The following RFFL variants were observed in gnomAD, a reference collection of about 807,000 sequenced individuals.
The protein encoded by RFFL is E3 ubiquitin-protein ligase rififylin.
A neutral mutation model predicts 40.4 loss-of-function variants in RFFL; 16 were observed. The ratio of observed to expected loss-of-function variants is 0.40; its 90% CI spans 0.27 to 0.60. The LOEUF is 0.60. Ranked by LOEUF, RFFL falls within the 20% of genes least tolerant of loss-of-function variation. RFFL has a pLI of 0.47. For missense variants in RFFL, 367 were observed against 451.7 expected (o/e 0.81, Z 1.70); for synonymous variants, 154 against 167.9 (o/e 0.92, Z 0.64).
At chr17:35,015,536 T>C (rs1354360822) in intron 5 of RFFL, among the ~76,000 whole-genome samples, 1 of 152,176 alleles carries the variant, frequency 6.6e-6, no homozygotes. Flanking sequence ...GGCCTCAGTC[T>C]GTAATCGGGT....
intron 1 of RFFL, among the ~76,000 whole-genome samples, chr17:35,082,255 G>A (rs2091406258): frequency 6.6e-6 from 1 of 152,062 alleles, no homozygotes; most frequent in Non-Finnish European, 1.5e-5. Flanking sequence ...TCTAAAGGAA[G>A]GACAGCTTTA....
upstream of RFFL, among the ~76,000 whole-genome samples, chr17:35,066,503 C>T (rs2091321699): frequency 2.0e-5 from 3 of 152,142 alleles, no homozygotes; most frequent in South Asian, 6.2e-4. Context: ...CTATGTTTAG[C>T]TTTATCCAAA....
chr17:35,027,505 A>G (rs2091049974), intron 1 of RFFL, among the ~76,000 whole-genome samples: 1 of 151,856 alleles, frequency 6.6e-6, no homozygotes, highest in African/African-American at 2.4e-5. Context: ...CGAGTGGATC[A>G]CCGGAGGTCG....
upstream of RFFL, among the ~76,000 whole-genome samples, chr17:35,068,381 T>C (rs953692609): frequency 6.6e-6 from 1 of 152,244 alleles, no homozygotes; most frequent in African/African-American, 2.4e-5. Flanking sequence ...GCTGTCGCCA[T>C]GGCAGAGATC....
At chr17:35,061,837 C>T (rs1008480124) in intron 1 of RFFL, among the ~76,000 whole-genome samples, 31 of 151,840 alleles carry the variant, frequency 2.0e-4, no homozygotes, top group East Asian at 7.8e-4. Flanking sequence ...CGTGCCACCA[C>T]GCCCAGCTAA....
chr17:35,017,570 C>T lies in RFFL; in HGVS notation c.628G>A (p.Val210Ile), dbSNP rs748835377. 7.4e-6 allele frequency: 12 copies of T among 1,611,716 alleles called. No individual in the cohort carries two copies. The highest frequency in any genetic ancestry group is 2.7e-5 in the African/African-American group (2 of 74,876). ...GHVSQDQEEP[V>I]YLESVARVPA... Reference sequence around the variant, plus strand: ...ACTCTGGCCACGCTCTCCAGGTAGACGGGTTCCTCTTGATCCTGAGACACA... The same window carrying T: ...ACTCTGGCCACGCTCTCCAGGTAGATGGGTTCCTCTTGATCCTGAGACACA... The change falls in exon 4 of 7, where the codon GTC becomes ATC. Residue 210 changes from valine to isoleucine, a missense_variant. By Grantham distance (29) the Val-to-Ile change is conservative. Transcript: ENST00000394597.
chr17:35,068,028 T>C (rs554678588), upstream of RFFL, among the ~76,000 whole-genome samples: 1 of 152,014 alleles, frequency 6.6e-6, no homozygotes, highest in East Asian at 1.9e-4. Context: ...GGATTTCACC[T>C]GTCACCCACA....
chr17:35,057,962 TCAAA>T (rs1159231993), intron 1 of RFFL, among the ~76,000 whole-genome samples: 2 of 151,232 alleles, frequency 1.3e-5, no homozygotes, highest in African/African-American at 2.4e-5. Context: ...CTATTATACA[TCAAA>T]CAATCATATA....
Position 35,021,496 on chromosome 17 carries a change from G to T in RFFL, c.466C>A (p.Pro156Thr). Residue 156 changes from proline (P) to threonine (T), a missense_variant, in exon 3 of 7, where the codon CCT (proline) becomes ACT (threonine). Physicochemically the swap from Pro to Thr is conservative, Grantham distance 38 (BLOSUM62 -1). Coordinates refer to ENST00000394597, the MANE Select transcript of RFFL (RefSeq NM_001017368.2). ...TGGGTCAGGAAGGCCTGCTGCTCAG[G>T]AAAGTCTGGGGACAAGGTGGAGGCA... Reference protein sequence around the residue: ...TRASTLSPDFPEQQAFLTQPH... With the variant: ...TRASTLSPDFTEQQAFLTQPH... The T allele has an allele frequency of 6.3e-7, 1 of 1,597,786 alleles. No homozygotes were observed. The highest frequency in any genetic ancestry group is 8.5e-7 in the Non-Finnish European group (1 of 1,172,456).
At chr17:35,087,813 A>G (rs1340479667) in intron 1 of RFFL, among the ~76,000 whole-genome samples, 1 of 152,226 alleles carries the variant, frequency 6.6e-6, no homozygotes, top group Non-Finnish European at 1.5e-5. Flanking sequence ...AAGTTCGGAA[A>G]CCTTTGCCAT....
intron 1 of RFFL, among the ~76,000 whole-genome samples, chr17:35,059,755 C>T (rs1388231507): frequency 6.6e-6 from 1 of 152,164 alleles, no homozygotes; most frequent in Non-Finnish European, 1.5e-5. Flanking sequence ...CCTGGCAAAA[C>T]TATTCTTGTA....
At position 35,021,592 on chromosome 17, in the gene RFFL, G is replaced by A. The variant is rs768546038; in HGVS notation, c.370C>T (p.Arg124Trp). ...AAGAGCACCAGCTCTTCTTTCTCCC[G>A]GCACATTTCGGTAGAGATGTCATGG... Reference protein sequence around the residue: ...SLHDISTEMCREKEELVLLVL... With the variant: ...SLHDISTEMCWEKEELVLLVL... The change falls in exon 3 of 7, where the codon CGG (arginine) becomes TGG (tryptophan). Residue 124 changes from arginine to tryptophan, a missense_variant. Physicochemically the swap from Arg to Trp is moderately radical, Grantham distance 101. Coordinates refer to ENST00000394597, the MANE Select transcript of RFFL (RefSeq NM_001017368.2). The A allele has an allele frequency of 1.4e-5, 22 of 1,614,182 alleles. No homozygotes were observed. The highest frequency in any genetic ancestry group is 3.3e-4 in the Middle Eastern group (2 of 6,062).
At chr17:35,058,608 T>C (rs1030356014) in intron 1 of RFFL, among the ~76,000 whole-genome samples, 1 of 151,954 alleles carries the variant, frequency 6.6e-6, no homozygotes, top group Non-Finnish European at 1.5e-5. Context: ...CCGTATCTAC[T>C]AAAAATACAA....
chr17:35,047,611 C>G (rs2142352871), intron 1 of RFFL, among the ~76,000 whole-genome samples: 1 of 152,262 alleles, frequency 6.6e-6, no homozygotes, highest in South Asian at 2.1e-4. Flanking sequence ...AGTTTTCAGA[C>G]AGGGTCTCCC....
intron 1 of RFFL, chr17:35,042,240 C>T (rs1411716630): frequency 6.6e-6 from 1 of 152,176 alleles, no homozygotes; most frequent in Non-Finnish European, 1.5e-5. Context: ...CATCTCTTAA[C>T]TTGGAAGGCT....
Position 35,008,675 on chromosome 17 carries a change from A to G in RFFL, c.*3293T>C, listed in dbSNP as rs2090914227. ...GAGACAGAGTCTCGCTCTTTCGCCC[A>G]GGCCGGACTGCAGTGGCGCAATCTT... On this transcript the variant is annotated 3_prime_UTR_variant, in exon 7 of 7. Coordinates refer to ENST00000394597, the MANE Select transcript of RFFL (RefSeq NM_001017368.2). 6.6e-6 allele frequency: 1 copy of G among 151,850 alleles called. No homozygotes were observed. Among genetic ancestry groups the G allele is most frequent in the South Asian group, 2.1e-4 (1 of 4,816 alleles). The allele number at this position is 151,850 out of a possible 1,614,324, so 9.4% of individuals were successfully genotyped here. A position where few individuals can be genotyped will look rare whatever the true frequency, so the allele number is the denominator to read the frequency against.
At chr17:35,047,712 T>G (rs1237218622) in intron 1 of RFFL, among the ~76,000 whole-genome samples, 3 of 151,858 alleles carry the variant, frequency 2.0e-5, no homozygotes, top group Admixed American at 6.6e-5. Context: ...CTCAGCCTTC[T>G]GATTAGCTGG....
Position 35,083,535 on chromosome 17 carries a change from C to T in RFFL, c.-9+5570G>A, listed in dbSNP as rs190498292. Among the ~76,000 whole-genome samples the T allele has an allele frequency of 9.9e-3, 1,501 of 151,542 alleles. 22 individuals carry two copies. Among genetic ancestry groups the T allele is most frequent in the Admixed American group, 0.047 (718 of 15,234 alleles). ...GTGGCTCACACCTGTAATCCCAACA[C>T]TTTGGGAGGCCAAGGTAGGCAGATC... is the stretch of plus-strand genomic sequence containing the variant. On this transcript the variant is annotated intron_variant, in intron 1 of 6. Coordinates refer to the RFFL transcript ENST00000315249.
At chr17:35,080,283 G>A (rs1330385346) in intron 1 of RFFL, among the ~76,000 whole-genome samples, 1 of 152,162 alleles carries the variant, frequency 6.6e-6, no homozygotes, top group African/African-American at 2.4e-5. Context: ...ACCTAGAAGA[G>A]GGTTGGAAGT....
Sources: allele counts gnomAD v4.1 joint callset (sites outside exome capture counted in the v4.1 genomes callset), GRCh38; gene constraint gnomAD v4.1.1; transcripts MANE v1.5; gene names NCBI Gene and HGNC (gene_info 2026-07-23, HGNC 2026-07-21).